The following BRINP3 variants were observed in gnomAD, a reference collection of about 807,000 sequenced individuals.
The protein encoded by BRINP3 is BMP/retinoic acid-inducible neural-specific protein 3.
A neutral mutation model predicts 71.0 loss-of-function variants in BRINP3; 19 were observed. The observed-to-expected ratio is 0.27, with a 90% CI of 0.19 to 0.39. BRINP3 has a LOEUF of 0.39. Ranked by LOEUF, BRINP3 falls within the 10% of genes least tolerant of loss-of-function variation. The pLI, the probability that BRINP3 is intolerant of heterozygous loss-of-function variation, is 1.00. For missense variants in BRINP3, 959 were observed against 940.8 expected, an observed-to-expected ratio of 1.02 and a Z score of -0.25; for synonymous variants, 380 against 337.7, an observed-to-expected ratio of 1.13 and a Z score of -1.37.
At chr1:190,182,415 A>G (rs1256824061) in intron 6 of BRINP3, among the ~76,000 whole-genome samples, 2 of 152,040 alleles carry the variant, frequency 1.3e-5, no homozygotes, top group Non-Finnish European at 2.9e-5. Context: ...AATAATTTCT[A>G]TTGTTCCACC....
intron 1 of BRINP3, among the ~76,000 whole-genome samples, chr1:190,467,373 G>C (rs1367035257): frequency 6.6e-6 from 1 of 151,222 alleles, no homozygotes; most frequent in Non-Finnish European, 1.5e-5. Flanking sequence ...TTAAAAAAAG[G>C]GTCAAAAACA....
chr1:190,316,954 C>T (rs1396235712), intron 2 of BRINP3, among the ~76,000 whole-genome samples: 1 of 151,842 alleles, frequency 6.6e-6, no homozygotes, highest in Non-Finnish European at 1.5e-5. Flanking sequence ...GGGCGGATCA[C>T]CTGAGGTCAG....
At chr1:190,250,625 A>G (rs1191556762) in intron 4 of BRINP3, among the ~76,000 whole-genome samples, 1 of 151,948 alleles carries the variant, frequency 6.6e-6, no homozygotes, top group East Asian at 1.9e-4. Flanking sequence ...CATTATATGT[A>G]ATAGGAAATA....
chr1:190,207,082 CTCT>C (rs1034845941), intron 6 of BRINP3, among the ~76,000 whole-genome samples: 3 of 150,464 alleles, frequency 2.0e-5, no homozygotes, highest in Admixed American at 1.3e-4. Flanking sequence ...ATTTCTTACA[CTCT>C]TCAACTTTGT....
chr1:190,152,676 C>A (rs1443058140), intron 7 of BRINP3, among the ~76,000 whole-genome samples: 1 of 151,776 alleles, frequency 6.6e-6, no homozygotes, highest in Non-Finnish European at 1.5e-5. Flanking sequence ...GTTCACTGGA[C>A]AAAATGTTGA....
rs187590765 is a variant in BRINP3 at position 190,225,573 on chromosome 1, T to A, written c.961+509A>T. ...TAAAAATCGCAAAGATAGTAAATTT[T>A]ATATGTATGTTTTAACCAAGTAAAA... On this transcript the variant is annotated intron_variant, in intron 6 of 7. Transcript: ENST00000367462. 3.1e-4 allele frequency among the ~76,000 whole-genome samples: 47 copies of A among 152,174 alleles called. No individual in the cohort carries two copies. The East Asian group carries it at 7.7e-3, about 25-fold the overall frequency.
chr1:190,104,590 A>G (rs1651980588), intron 7 of BRINP3, among the ~76,000 whole-genome samples: 1 of 151,890 alleles, frequency 6.6e-6, no homozygotes, highest in South Asian at 2.1e-4. Context: ...CCTGTGTTTC[A>G]CCTTTTTAAA....
chr1:190,169,540 T>A (rs1056297323), intron 6 of BRINP3, among the ~76,000 whole-genome samples: 2 of 152,190 alleles, frequency 1.3e-5, no homozygotes, highest in Non-Finnish European at 1.5e-5. Context: ...TGCAATCAGA[T>A]GCTGTTCTTA....
chr1:190,420,305 T>C (rs1204748719), intron 2 of BRINP3, among the ~76,000 whole-genome samples: 1 of 151,984 alleles, frequency 6.6e-6, no homozygotes. Context: ...AACAAGAATA[T>C]ATAGCATGTG....
At chr1:190,182,090 T>C (rs1238212154) in intron 6 of BRINP3, among the ~76,000 whole-genome samples, 1 of 152,108 alleles carries the variant, frequency 6.6e-6, no homozygotes, top group East Asian at 1.9e-4. Context: ...AGGTAAATGT[T>C]GGTTCTCCCT....
At chr1:190,393,575 A>T (rs1172865864) in intron 2 of BRINP3, among the ~76,000 whole-genome samples, 1 of 151,666 alleles carries the variant, frequency 6.6e-6, no homozygotes, top group East Asian at 1.9e-4. Context: ...ATTTTTAATG[A>T]ACTGATAAAC....
chr1:190,359,030 A>G (rs1261367957), intron 2 of BRINP3, among the ~76,000 whole-genome samples: 1 of 151,946 alleles, frequency 6.6e-6, no homozygotes, highest in Non-Finnish European at 1.5e-5. Flanking sequence ...GGGAGAGGGG[A>G]GGGATAGCAT....
intron 2 of BRINP3, among the ~76,000 whole-genome samples, chr1:190,416,485 T>A (rs992942214): frequency 6.6e-6 from 1 of 152,130 alleles, no homozygotes; most frequent in Non-Finnish European, 1.5e-5. Context: ...GAAATAACCA[T>A]GAACTTCAGC....
chr1:190,147,366 T>C (rs528682126), intron 7 of BRINP3, among the ~76,000 whole-genome samples: 38 of 152,278 alleles, frequency 2.5e-4, no homozygotes, highest in Non-Finnish European at 1.3e-4. Flanking sequence ...AATAATTTAT[T>C]TCAGGATAAA....
intron 2 of BRINP3, among the ~76,000 whole-genome samples, chr1:190,454,101 A>G (rs1434975670): frequency 1.3e-5 from 2 of 152,348 alleles, no homozygotes; most frequent in South Asian, 4.1e-4. Context: ...GATAGATGTT[A>G]AAGATCATAT....
intron 2 of BRINP3, among the ~76,000 whole-genome samples, chr1:190,396,535 A>G (rs183655200): frequency 2.4e-4 from 37 of 151,564 alleles, no homozygotes; most frequent in Non-Finnish European, 4.3e-4. Flanking sequence ...CATCAACTAC[A>G]GAAACCCATC....
chr1:190,116,918 A>C (rs2211431), intron 7 of BRINP3, among the ~76,000 whole-genome samples: 1 of 151,798 alleles, frequency 6.6e-6, no homozygotes, highest in African/African-American at 2.4e-5. Context: ...TTTGGATATA[A>C]GGACATCATT....
intron 4 of BRINP3, among the ~76,000 whole-genome samples, chr1:190,260,661 T>C (rs1049287793): frequency 1.3e-5 from 2 of 152,080 alleles, no homozygotes; most frequent in Non-Finnish European, 2.9e-5. Flanking sequence ...TGGAAAAGTA[T>C]TGTCATGTTT....
intron 2 of BRINP3, among the ~76,000 whole-genome samples, chr1:190,288,678 A>G (rs1167586255): frequency 1.3e-5 from 2 of 151,956 alleles, no homozygotes; most frequent in African/African-American, 2.4e-5. Flanking sequence ...CTTCTTAGTA[A>G]TTTTTGGTAC....
Sources: gnomAD v4.1 joint callset for allele counts (sites outside exome capture counted in the v4.1 genomes callset) on GRCh38, gnomAD v4.1.1 for gene constraint, MANE v1.5 for transcripts, NCBI Gene and HGNC (gene_info 2026-07-23, HGNC 2026-07-21) for gene names.